NRG3: variants seen among roughly 807,000 people sequenced by gnomAD.
The protein encoded by NRG3 is pro-neuregulin-3, membrane-bound isoform.
NRG3 carries 31 observed loss-of-function variants against 66.9 expected under a neutral mutation model. The ratio of observed to expected loss-of-function variants is 0.46; its 90% CI spans 0.35 to 0.63. The LOEUF (loss-of-function observed/expected upper bound fraction) is 0.63. NRG3 is among the 20% of genes least tolerant of loss of function. The pLI is 0.00. For synonymous variants in NRG3, 393 were observed against 359.4 expected (o/e 1.09, Z -1.06); for missense variants, 910 against 878.9 (o/e 1.04, Z -0.45).
chr10:82,904,041 C>A (rs185314508), intron 4 of NRG3, among the ~76,000 whole-genome samples: 1 of 152,176 alleles, frequency 6.6e-6, no homozygotes, highest in African/African-American at 2.4e-5. Context: ...ATTTTAACAT[C>A]TTCTTTTTTT....
At chr10:82,854,466 G>A (rs2063711470) in intron 3 of NRG3, among the ~76,000 whole-genome samples, 1 of 152,140 alleles carries the variant, frequency 6.6e-6, no homozygotes, top group Admixed American at 6.5e-5. Flanking sequence ...TTTATTTTTT[G>A]TTGTTTAATC....
At chr10:82,327,327 G>A (rs139619632) in intron 1 of NRG3, among the ~76,000 whole-genome samples, 2 of 152,190 alleles carry the variant, frequency 1.3e-5, no homozygotes, top group African/African-American at 4.8e-5. Context: ...CATGGTACCA[G>A]ATTTTTCTGT....
At chr10:82,237,336 A>C (rs867123048) in intron 1 of NRG3, among the ~76,000 whole-genome samples, 7 of 152,288 alleles carry the variant, frequency 4.6e-5, no homozygotes, top group South Asian at 2.1e-4. Flanking sequence ...GTGTCAGTTA[A>C]AATTATACTG....
intron 2 of NRG3, among the ~76,000 whole-genome samples, chr10:82,406,320 A>G (rs185955359): frequency 1.3e-5 from 2 of 152,298 alleles, no homozygotes; most frequent in East Asian, 3.9e-4. Flanking sequence ...AATAATTTAA[A>G]CAGCAACAAC....
chr10:82,861,751 A>G (rs1169988325), intron 3 of NRG3, among the ~76,000 whole-genome samples: 1 of 152,150 alleles, frequency 6.6e-6, no homozygotes, highest in African/African-American at 2.4e-5. Flanking sequence ...GGCTGTATCT[A>G]AAGACTTTCT....
chr10:82,917,003 A>T (rs1318633716), intron 4 of NRG3, among the ~76,000 whole-genome samples: 1 of 152,238 alleles, frequency 6.6e-6, no homozygotes, highest in Non-Finnish European at 1.5e-5. Context: ...TTTCTCCTGT[A>T]TAGGGATGCA....
chr10:82,642,611 G>GA (rs34509868), intron 2 of NRG3, among the ~76,000 whole-genome samples: 6,269 of 142,378 alleles, frequency 0.044, 448 homozygotes, highest in African/African-American at 0.15. Context: ...TCTACAAGGA[G>GA]AAAAAAAAAA....
chr10:82,856,687 T>A (rs2063820481), intron 3 of NRG3, among the ~76,000 whole-genome samples: 1 of 132,768 alleles, frequency 7.5e-6, no homozygotes, highest in African/African-American at 2.9e-5. Flanking sequence ...GAGGCTGCAG[T>A]GAGCCGAGAT....
intron 1 of NRG3, among the ~76,000 whole-genome samples, chr10:82,004,028 C>T (rs11192136): frequency 0.065 from 9,446 of 145,704 alleles, 730 homozygotes; most frequent in African/African-American, 0.18. Context: ...CACACACACA[C>T]ACACACAGAT....
chr10:82,843,602 T>G (rs1437612834), intron 3 of NRG3, among the ~76,000 whole-genome samples: 1 of 152,142 alleles, frequency 6.6e-6, no homozygotes, highest in African/African-American at 2.4e-5. Flanking sequence ...GTTATTAAAA[T>G]AAATACAAAC....
At chr10:82,838,504 G>T (rs186126147) in intron 3 of NRG3, among the ~76,000 whole-genome samples, 1 of 152,178 alleles carries the variant, frequency 6.6e-6, no homozygotes, top group East Asian at 1.9e-4. Flanking sequence ...ATTTTATGAT[G>T]ACAGTCTCAT....
intron 6 of NRG3, among the ~76,000 whole-genome samples, chr10:82,962,545 A>G (rs970036746): frequency 1.1e-4 from 16 of 152,222 alleles, no homozygotes; most frequent in African/African-American, 2.4e-5. Flanking sequence ...AATAATAAGA[A>G]TTTAATGCCT....
intron 3 of NRG3, among the ~76,000 whole-genome samples, chr10:82,853,237 G>A (rs1415898833): frequency 6.6e-6 from 1 of 152,126 alleles, no homozygotes; most frequent in Admixed American, 6.6e-5. Flanking sequence ...GTAGAAATTA[G>A]TATAAAGTTT....
chr10:82,890,790 C>T (rs575420524), intron 4 of NRG3, among the ~76,000 whole-genome samples: 1 of 152,262 alleles, frequency 6.6e-6, no homozygotes, highest in African/African-American at 2.4e-5. Context: ...TTCTGTTACT[C>T]CACATTCTTT....
rs1554897497 is a variant in NRG3 at position 82,061,352 on chromosome 10, C to CAAACG, written c.823+185193_823+185194insGAAAC. On this transcript the variant is annotated intron_variant, in intron 1 of 8. Coordinates refer to ENST00000372141, the MANE Select transcript of NRG3 (RefSeq NM_001010848.4). The stretch of plus-strand genomic sequence containing the variant: ...GGCAACAGAGCAAGATTTTCCCTCT[C>CAAACG]AAACAAAACAAAACAAAACAGAAAA... 2.2e-3 allele frequency among the ~76,000 whole-genome samples: 338 copies of CAAACG among 152,082 alleles called. 1 individual carries two copies. Among genetic ancestry groups the CAAACG allele is most frequent in the African/African-American group, 7.5e-3 (312 of 41,442 alleles).
chr10:82,858,574 T>C (rs965831898), intron 3 of NRG3, among the ~76,000 whole-genome samples: 4 of 152,234 alleles, frequency 2.6e-5, no homozygotes, highest in Admixed American at 2.0e-4. Flanking sequence ...AAAACCTATT[T>C]GCTCTTCTCA....
intron 1 of NRG3, among the ~76,000 whole-genome samples, chr10:82,239,994 T>A (rs934406408): frequency 8.5e-5 from 13 of 152,156 alleles, no homozygotes; most frequent in Admixed American, 3.9e-4. Context: ...GTATTTTTTT[T>A]AAAATAAGTG....
intron 2 of NRG3, among the ~76,000 whole-genome samples, chr10:82,408,041 T>G (rs2087671446): frequency 1.1e-5 from 1 of 93,788 alleles, no homozygotes; most frequent in Admixed American, 1.4e-4. Context: ...AGAGCAAGAC[T>G]ACATCGAGAG....
intron 1 of NRG3, among the ~76,000 whole-genome samples, chr10:81,906,714 G>C (rs1266521335): frequency 6.6e-6 from 1 of 152,148 alleles, no homozygotes; most frequent in Non-Finnish European, 1.5e-5. Context: ...CTGCTGAGCA[G>C]GAGTGTGGTT....
Sources: allele counts gnomAD v4.1 joint callset (sites outside exome capture counted in the v4.1 genomes callset), GRCh38; gene constraint gnomAD v4.1.1; transcripts MANE v1.5; gene names NCBI Gene and HGNC (gene_info 2026-07-23, HGNC 2026-07-21).